Variants in OR52N4 observed in about 807,000 individuals in gnomAD.
OR52N4 encodes the protein olfactory receptor family 52 subfamily N member 4, also known as olfactory receptor 52N4.
A neutral mutation model predicts 15.0 loss-of-function variants in OR52N4; 15 were observed. That is an observed-to-expected ratio of 1.00 (90% CI 0.67 to 1.54). The LOEUF (loss-of-function observed/expected upper bound fraction) is 1.54, where lower values mean the gene tolerates loss of function less well. Among genes scored for constraint, OR52N4 ranks in the 40% most tolerant of loss-of-function variants. The pLI is 0.00. For synonymous variants in OR52N4, 143 were observed against 143.7 expected (o/e 1.00, Z 0.03); for missense variants, 421 against 394.0 (o/e 1.07, Z -0.58).
the OR52N4 span, among the ~76,000 whole-genome samples, chr11:5,740,639 T>A: frequency 4.8e-5 from 6 of 124,812 alleles, 1 homozygote; most frequent in South Asian, 1.7e-3. Context: ...AAACCCCGTC[T>A]CTACAAAAAA....
chr11:5,740,988 T>C, the OR52N4 span, among the ~76,000 whole-genome samples: 1 of 127,012 alleles, frequency 7.9e-6, no homozygotes, highest in South Asian at 2.7e-4. Flanking sequence ...AAGGATGACC[T>C]TGAAGATGTA....
At chr11:5,746,913 A>G in the OR52N4 span, among the ~76,000 whole-genome samples, 1 of 151,998 alleles carries the variant, frequency 6.6e-6, no homozygotes, top group South Asian at 2.1e-4. Context: ...GACTAAATGT[A>G]CATCAATGGA....
upstream of OR52N4, among the ~76,000 whole-genome samples, chr11:5,753,313 T>G (rs1220621771): frequency 1.3e-5 from 2 of 152,162 alleles, no homozygotes; most frequent in African/African-American, 4.8e-5. Context: ...GCTGTCCTGT[T>G]TGGTATGTCA....
chr11:5,747,140 G>C, the OR52N4 span, among the ~76,000 whole-genome samples: 1 of 146,556 alleles, frequency 6.8e-6, no homozygotes, highest in Non-Finnish European at 1.5e-5. Flanking sequence ...TGTAGTCCCA[G>C]CTATTGGGGA....
the OR52N4 span, chr11:5,737,287 C>A: frequency 6.2e-7 from 1 of 1,614,084 alleles, no homozygotes; most frequent in Non-Finnish European, 8.5e-7. Context: ...TCACCCTCAT[C>A]CTTTTCTTTT....
At chr11:5,742,004 A>T in the OR52N4 span, among the ~76,000 whole-genome samples, 1 of 152,144 alleles carries the variant, frequency 6.6e-6, no homozygotes, top group African/African-American at 2.4e-5. Context: ...CACTGAAGGA[A>T]TTACAAAATA....
Position 5,755,468 on chromosome 11 carries a change from G to A in OR52N4, c.728G>A (p.Cys243Tyr). The A allele has an allele frequency of 2.5e-6, 4 of 1,614,034 alleles. No homozygotes were observed. The highest frequency in any genetic ancestry group is 3.4e-6 in the Non-Finnish European group (4 of 1,179,970). The part of the protein sequence containing the change: ...ADARQKAFNT[C>Y]TAHICAIVFS... The stretch of plus-strand genomic sequence containing the variant: ...GCTCGGCAGAAGGCCTTTAATACCT[G>A]CACTGCCCACATTTGTGCCATTGTT... Residue 243 changes from cysteine (C) to tyrosine (Y), a missense_variant, in exon 2 of 2, where the codon TGC (cysteine) becomes TAC (tyrosine). Cys to Tyr is a radical substitution (Grantham distance 194). Transcript: ENST00000641350.
upstream of OR52N4, among the ~76,000 whole-genome samples, chr11:5,752,548 GA>G (rs1854211860): frequency 6.6e-6 from 1 of 152,202 alleles, no homozygotes; most frequent in Admixed American, 6.5e-5. Flanking sequence ...CTGCCAGCCT[GA>G]GTAGAAAATA....
Position 5,755,432 on chromosome 11 carries a change from C to T in OR52N4, c.692C>T (p.Ser231Phe), listed in dbSNP as rs1590345796. 6.2e-7 allele frequency: 1 copy of T among 1,614,110 alleles called. No individual in the cohort carries two copies. The highest frequency in any genetic ancestry group is 2.2e-5 in the East Asian group (1 of 44,848). The change falls in exon 2 of 2, where the codon TCC becomes TTC. Residue 231 changes from serine to phenylalanine, a missense_variant. Transcript: ENST00000641350. ...TMILRAVVSL[S>F]SADARQKAFN... ...ATTCTCCGGGCAGTGGTCAGCCTCTCCTCAGCAGATGCTCGGCAGAAGGCC... is the reference window on the plus strand; with the variant it reads ...ATTCTCCGGGCAGTGGTCAGCCTCTTCTCAGCAGATGCTCGGCAGAAGGCC...
chr11:5,755,322 C>T lies in OR52N4; in HGVS notation c.582C>T (p.Val194=), dbSNP rs780808099. 9 of 1,613,920 alleles carry T rather than the reference C, an allele frequency of 5.6e-6. No homozygotes were observed. In the East Asian group the frequency reaches 1.8e-4, roughly 32 times the overall value. ...TAGCCAAATTGTCCTGTGGTAATGT[C>T]AAGGTCAATGCCATCTATGGTCTGA... ...MSVAKLSCGN[V]KVNAIYGLMV... Residue 194 remains valine, a synonymous_variant, in exon 2 of 2, where the codon GTC becomes GTT. Coordinates refer to ENST00000641350, the MANE Select transcript of OR52N4 (RefSeq NM_001005175.5).
the OR52N4 span, chr11:5,735,863 G>T: frequency 6.6e-6 from 1 of 152,166 alleles, no homozygotes; most frequent in Non-Finnish European, 1.5e-5. Context: ...AAGTTCTAGA[G>T]ACCAGCTGTA....
chr11:5,736,694 C>A, the OR52N4 span: 1 of 1,613,878 alleles, frequency 6.2e-7, no homozygotes, highest in Non-Finnish European at 8.5e-7. Flanking sequence ...CATCATCTGG[C>A]AGAACCCTTC....
the OR52N4 span, chr11:5,737,671 G>C: frequency 1.9e-6 from 1 of 517,218 alleles, no homozygotes; most frequent in Non-Finnish European, 3.2e-6. Flanking sequence ...ATTGACAAAA[G>C]CTAAATATTT....
At chr11:5,738,237 A>T in the OR52N4 span, 1 of 152,230 alleles carries the variant, frequency 6.6e-6, no homozygotes, top group Non-Finnish European at 1.5e-5. Context: ...TTATAGTTCA[A>T]GAGGAGACAG....
chr11:5,752,209 G>A (rs139915300), upstream of OR52N4, among the ~76,000 whole-genome samples: 163 of 152,238 alleles, frequency 1.1e-3, 6 homozygotes, highest in East Asian at 0.023. Flanking sequence ...AGACACACAG[G>A]TGCTCCTATG....
At chr11:5,733,261 A>G in the OR52N4 span, among the ~76,000 whole-genome samples, 2 of 152,044 alleles carry the variant, frequency 1.3e-5, no homozygotes, top group African/African-American at 4.8e-5. Flanking sequence ...ATCACCTCCC[A>G]TGTTCCACCA....
At chr11:5,747,387 T>C in the OR52N4 span, among the ~76,000 whole-genome samples, 2 of 152,036 alleles carry the variant, frequency 1.3e-5, no homozygotes, top group African/African-American at 2.4e-5. Flanking sequence ...CAGCATCATA[T>C]CTACAGGTCA....
chr11:5,731,563 A>G, the OR52N4 span, among the ~76,000 whole-genome samples: 1 of 152,294 alleles, frequency 6.6e-6, no homozygotes, highest in East Asian at 1.9e-4. Flanking sequence ...CTAAAACATT[A>G]CCAAATGGTA....
At chr11:5,745,211 A>G in the OR52N4 span, among the ~76,000 whole-genome samples, 2 of 152,190 alleles carry the variant, frequency 1.3e-5, no homozygotes, top group Non-Finnish European at 2.9e-5. Context: ...ATCAAGGAAA[A>G]GAAATAAATA....
Sources: gnomAD v4.1 joint callset for allele counts (sites outside exome capture counted in the v4.1 genomes callset) on GRCh38, gnomAD v4.1.1 for gene constraint, MANE v1.5 for transcripts, NCBI Gene and HGNC (gene_info 2026-07-23, HGNC 2026-07-21) for gene names.